HS6ST3: variants seen among roughly 807,000 people sequenced by gnomAD.
The protein encoded by HS6ST3 is heparan sulfate 6-O-sulfotransferase 3.
Under a neutral mutation model 36.7 loss-of-function variants are expected in HS6ST3, and 12 were observed. The ratio of observed to expected loss-of-function variants is 0.33; its 90% CI spans 0.21 to 0.53. HS6ST3 has a LOEUF of 0.53. Among genes scored for constraint, HS6ST3 ranks in the 20% least tolerant of loss-of-function variants. The probability of loss-of-function intolerance (pLI) is 0.95; values close to 1 mark genes in which losing one functional copy is unlikely to be tolerated. For missense variants in HS6ST3, 584 were observed against 640.9 expected (o/e 0.91, Z 0.96); for synonymous variants, 240 against 257.5 (o/e 0.93, Z 0.65).
At chr13:96,467,126 T>G (rs2139495919) in intron 1 of HS6ST3, among the ~76,000 whole-genome samples, 1 of 152,322 alleles carries the variant, frequency 6.6e-6, no homozygotes, top group East Asian at 1.9e-4. Context: ...CTGAGTCAGC[T>G]CTGCTTGCTT....
intron 1 of HS6ST3, among the ~76,000 whole-genome samples, chr13:96,256,627 A>G (rs1022710123): frequency 6.6e-6 from 1 of 152,156 alleles, no homozygotes; most frequent in East Asian, 1.9e-4. Flanking sequence ...CATAGTTAAT[A>G]AGTATTTTTT....
At chr13:96,227,202 C>A (rs1257933155) in intron 1 of HS6ST3, among the ~76,000 whole-genome samples, 1 of 152,142 alleles carries the variant, frequency 6.6e-6, no homozygotes, top group Non-Finnish European at 1.5e-5. Flanking sequence ...ATATTTACTA[C>A]AAACTTTGGG....
chr13:96,123,354 T>G (rs1243048609), intron 1 of HS6ST3, among the ~76,000 whole-genome samples: 1 of 152,238 alleles, frequency 6.6e-6, no homozygotes, highest in Admixed American at 6.5e-5. Flanking sequence ...GCAATAGATT[T>G]CCTTTCTTAC....
chr13:96,342,163 A>C (rs1028529346), intron 1 of HS6ST3, among the ~76,000 whole-genome samples: 2 of 152,170 alleles, frequency 1.3e-5, no homozygotes, highest in Admixed American at 6.5e-5. Flanking sequence ...CATTGATTTA[A>C]ATTTTTCTTT....
At chr13:96,223,051 T>G (rs77087029) in intron 1 of HS6ST3, among the ~76,000 whole-genome samples, 6 of 152,300 alleles carry the variant, frequency 3.9e-5, no homozygotes, top group Non-Finnish European at 8.8e-5. Flanking sequence ...TATGCCTTAG[T>G]ATGGATGGAT....
chr13:96,778,003 C>T (rs1006758614), intron 1 of HS6ST3, among the ~76,000 whole-genome samples: 1 of 152,038 alleles, frequency 6.6e-6, no homozygotes, highest in Non-Finnish European at 1.5e-5. Flanking sequence ...AGAACAGAGG[C>T]CTCAGAAATA....
At chr13:96,453,919 A>C (rs1009074716) in intron 1 of HS6ST3, among the ~76,000 whole-genome samples, 1 of 152,178 alleles carries the variant, frequency 6.6e-6, no homozygotes, top group Admixed American at 6.5e-5. Context: ...AAGGAGAACT[A>C]CACTTCCATT....
intron 1 of HS6ST3, among the ~76,000 whole-genome samples, chr13:96,235,590 G>A (rs1318595121): frequency 1.3e-5 from 2 of 151,896 alleles, no homozygotes; most frequent in Non-Finnish European, 1.5e-5. Context: ...GCGTAGCATG[G>A]GTTGTTTTTT....
intron 1 of HS6ST3, among the ~76,000 whole-genome samples, chr13:96,728,082 C>G (rs1429810528): frequency 1.3e-5 from 2 of 152,042 alleles, no homozygotes; most frequent in African/African-American, 4.8e-5. Flanking sequence ...AGAACAATGC[C>G]CACCTACCCC....
intron 1 of HS6ST3, among the ~76,000 whole-genome samples, chr13:96,360,448 A>AAG (rs1190895309): frequency 6.6e-6 from 1 of 151,992 alleles, no homozygotes; most frequent in Admixed American, 6.6e-5. Flanking sequence ...GAAGAGAAGA[A>AAG]AGGCAAATCT....
At chr13:96,097,677 C>G (rs12430207) in intron 1 of HS6ST3, among the ~76,000 whole-genome samples, 4,473 of 152,206 alleles carry the variant, frequency 0.029, 158 homozygotes, top group Admixed American at 0.11. Flanking sequence ...TTTTAATTAG[C>G]TAATACAACT....
At chr13:96,676,948 A>C (rs1031663334) in intron 1 of HS6ST3, among the ~76,000 whole-genome samples, 6 of 152,114 alleles carry the variant, frequency 3.9e-5, no homozygotes, top group African/African-American at 1.2e-4. Context: ...GTGAACTAAA[A>C]ACAGGAGGAG....
intron 1 of HS6ST3, among the ~76,000 whole-genome samples, chr13:96,364,773 A>G (rs1466383461): frequency 1.3e-5 from 2 of 152,194 alleles, no homozygotes; most frequent in Non-Finnish European, 2.9e-5. Flanking sequence ...TGTGTTATGT[A>G]TGTTTTACCA....
chr13:96,731,408 G>T (rs553614047), intron 1 of HS6ST3, among the ~76,000 whole-genome samples: 1 of 152,112 alleles, frequency 6.6e-6, no homozygotes, highest in East Asian at 1.9e-4. Flanking sequence ...CCATGTTGTC[G>T]CAAATGACGG....
chr13:96,638,304 A>G (rs2056556974), intron 1 of HS6ST3, among the ~76,000 whole-genome samples: 1 of 152,096 alleles, frequency 6.6e-6, no homozygotes, highest in African/African-American at 2.4e-5. Context: ...AAATATCTCA[A>G]ATGAGGTAAT....
At chr13:96,367,727 C>G (rs568881707) in intron 1 of HS6ST3, among the ~76,000 whole-genome samples, 10 of 152,308 alleles carry the variant, frequency 6.6e-5, no homozygotes, top group African/African-American at 2.4e-4. Flanking sequence ...CAAGACTGTT[C>G]TAGACGTCAG....
chr13:96,698,726 C>T (rs1446070294), intron 1 of HS6ST3, among the ~76,000 whole-genome samples: 1 of 152,100 alleles, frequency 6.6e-6, no homozygotes, highest in African/African-American at 2.4e-5. Context: ...AAGCTACCAA[C>T]AACTTTCTTC....
chr13:96,378,571 C>G (rs1300717750), intron 1 of HS6ST3, among the ~76,000 whole-genome samples: 1 of 152,134 alleles, frequency 6.6e-6, no homozygotes, highest in East Asian at 1.9e-4. Context: ...TCATTTATTT[C>G]TTCATTTTCC....
intron 1 of HS6ST3, among the ~76,000 whole-genome samples, chr13:96,762,602 G>T (rs1029917484): frequency 3.3e-5 from 5 of 152,144 alleles, no homozygotes; most frequent in African/African-American, 1.2e-4. Flanking sequence ...CTCTCTCGTG[G>T]GTTGGTTCTG....
Sources: allele counts gnomAD v4.1 joint callset (sites outside exome capture counted in the v4.1 genomes callset), GRCh38; gene constraint gnomAD v4.1.1; transcripts MANE v1.5; gene names NCBI Gene and HGNC (gene_info 2026-07-23, HGNC 2026-07-21).